Variants in FLRT1 observed in about 807,000 individuals in gnomAD.
FLRT1 encodes leucine-rich repeat transmembrane protein FLRT1.
FLRT1 carries 14 observed loss-of-function variants against 30.9 expected under a neutral mutation model. That is an observed-to-expected ratio of 0.45 (90% CI 0.30 to 0.71). The LOEUF is 0.71. FLRT1 is among the 30% of genes least tolerant of loss of function. FLRT1 has a pLI of 0.08. For missense variants in FLRT1, 737 were observed against 949.2 expected (o/e 0.78, Z 2.94); for synonymous variants, 368 against 430.4 (o/e 0.85, Z 1.80).
intron 1 of FLRT1, among the ~76,000 whole-genome samples, chr11:64,047,091 C>G (rs1159385487): frequency 6.6e-6 from 1 of 152,076 alleles, no homozygotes; most frequent in East Asian, 1.9e-4. Flanking sequence ...CGTGCTGTTC[C>G]CTGTGTCTGG....
intron 2 of FLRT1, among the ~76,000 whole-genome samples, chr11:64,111,848 T>G (rs1239125599): frequency 6.6e-6 from 1 of 152,188 alleles, no homozygotes; most frequent in Non-Finnish European, 1.5e-5. Context: ...CAGAGCAGCC[T>G]GGGATGGCCC....
chr11:64,074,819 G>A (rs1387225383), intron 1 of FLRT1, among the ~76,000 whole-genome samples: 4 of 152,224 alleles, frequency 2.6e-5, no homozygotes, highest in Admixed American at 1.3e-4. Context: ...TGGGGCTTGG[G>A]GTGGGGAAGC....
chr11:64,117,531 C>A lies in FLRT1; in HGVS notation c.1264C>A (p.Pro422Thr). ...LKAKRPGLRL[P>T]DSNIDYPMAT... ...GGCCAAAAGGCCAGGGCTGCGCCTC[C>A]CCGACTCCAACATTGACTACCCCAT... Residue 422 changes from proline (P) to threonine (T), a missense_variant, in exon 3 of 3, where the codon CCC becomes ACC. By Grantham distance (38) the Pro-to-Thr change is conservative. Transcript: ENST00000682287. 1 of 1,603,364 alleles carries A rather than the reference C, an allele frequency of 6.2e-7. No individual in the cohort carries two copies. Among genetic ancestry groups the A allele is most frequent in the Middle Eastern group, 1.7e-4 (1 of 6,002 alleles).
chr11:64,043,257 G>A (rs971756231), intron 1 of FLRT1, among the ~76,000 whole-genome samples: 2 of 152,194 alleles, frequency 1.3e-5, no homozygotes, highest in African/African-American at 4.8e-5. Context: ...CCAGACACGT[G>A]CTGGGATAAT....
chr11:64,063,323 T>C (rs1943938212), intron 1 of FLRT1, among the ~76,000 whole-genome samples: 1 of 152,088 alleles, frequency 6.6e-6, no homozygotes, highest in Non-Finnish European at 1.5e-5. Context: ...GTAAAACACC[T>C]AGAGGATTGC....
At chr11:64,113,197 C>T (rs1190241352) in intron 2 of FLRT1, among the ~76,000 whole-genome samples, 1 of 152,224 alleles carries the variant, frequency 6.6e-6, no homozygotes, top group African/African-American at 2.4e-5. Flanking sequence ...GGGCACTGAC[C>T]TCATGTTTGT....
chr11:64,084,838 G>C (rs76542726), intron 1 of FLRT1, among the ~76,000 whole-genome samples: 1 of 152,184 alleles, frequency 6.6e-6, no homozygotes, highest in Non-Finnish European at 1.5e-5. Flanking sequence ...GTAATGCCCC[G>C]GCCCGGGAGG....
intron 2 of FLRT1, 85 bp downstream of exon 2, chr11:64,104,266 G>A (rs1944720088): frequency 6.6e-6 from 1 of 152,396 alleles, no homozygotes; most frequent in Non-Finnish European, 1.5e-5. Flanking sequence ...CAGACAGCTG[G>A]GTTGCACCCT....
chr11:64,109,322 T>A (rs926436058), intron 2 of FLRT1, among the ~76,000 whole-genome samples: 7 of 152,102 alleles, frequency 4.6e-5, no homozygotes, highest in Non-Finnish European at 7.4e-5. Flanking sequence ...AAGCTTGGTG[T>A]CACTGACTTA....
chr11:64,070,612 A>C (rs775081529), intron 1 of FLRT1, among the ~76,000 whole-genome samples: 10 of 152,202 alleles, frequency 6.6e-5, no homozygotes, highest in Non-Finnish European at 1.3e-4. Context: ...CCCTTCCCAG[A>C]GGAGGAGAAA....
chr11:64,083,812 T>C (rs1590883831), intron 1 of FLRT1, among the ~76,000 whole-genome samples: 1 of 151,956 alleles, frequency 6.6e-6, no homozygotes, highest in Non-Finnish European at 1.5e-5. Context: ...TCAGCAGGGG[T>C]TGGCATCAAC....
chr11:64,077,929 C>T (rs1379526745), intron 1 of FLRT1, among the ~76,000 whole-genome samples: 2 of 152,350 alleles, frequency 1.3e-5, no homozygotes, highest in East Asian at 1.9e-4. Flanking sequence ...CTGTGGCCTG[C>T]AGCCAGCTAA....
chr11:64,105,128 T>C (rs1346114605), intron 2 of FLRT1, among the ~76,000 whole-genome samples: 1 of 152,244 alleles, frequency 6.6e-6, no homozygotes, highest in African/African-American at 2.4e-5. Flanking sequence ...GTGTGAAAGA[T>C]GCCCTGCGGA....
At chr11:64,042,602 G>T (rs1042211272) in intron 1 of FLRT1, among the ~76,000 whole-genome samples, 26 of 152,242 alleles carry the variant, frequency 1.7e-4, no homozygotes, top group Admixed American at 1.4e-3. Flanking sequence ...GGCCAGGCCT[G>T]TGGGGGTCTT....
At chr11:64,049,920 CG>C (rs1043586499) in intron 1 of FLRT1, among the ~76,000 whole-genome samples, 3 of 152,138 alleles carry the variant, frequency 2.0e-5, no homozygotes, top group East Asian at 1.9e-4. Context: ...GCTGTGGCCC[CG>C]GGGGGGAGGC....
At chr11:64,047,749 T>C (rs1481077332) in intron 1 of FLRT1, among the ~76,000 whole-genome samples, 1 of 151,622 alleles carries the variant, frequency 6.6e-6, no homozygotes, top group Non-Finnish European at 1.5e-5. Context: ...ATACAAAAAT[T>C]AGCTGGGCAT....
In FLRT1 at chr11:64,117,899, C is replaced by T. The variant is rs142685980; in HGVS notation, c.1632C>T (p.Asn544=). 6.8e-5 allele frequency: 109 copies of T among 1,613,898 alleles called. No homozygotes were observed. Among genetic ancestry groups the T allele is most frequent in the Middle Eastern group, 3.3e-4 (2 of 6,062 alleles). The change falls in exon 3 of 3, where the codon AAC becomes AAT. Residue 544 remains asparagine, a synonymous_variant. Coordinates refer to ENST00000682287, the MANE Select transcript of FLRT1 (RefSeq NM_013280.5). ...CCACCACACTCAACCAGGAGCAGAA[C>T]GCTGGCCCCATGGCGAGCCTGCCCC... is the stretch of plus-strand genomic sequence containing the variant. The part of the protein sequence containing the change: ...GPTTTLNQEQ[N]AGPMASLPLA...
intron 1 of FLRT1, among the ~76,000 whole-genome samples, chr11:64,059,739 G>T (rs1379634022): frequency 6.6e-6 from 1 of 152,234 alleles, no homozygotes; most frequent in Non-Finnish European, 1.5e-5. Flanking sequence ...TGAGGCAAAC[G>T]CAGGCCTTCC....
At chr11:64,085,891 G>A (rs888905124) in intron 1 of FLRT1, among the ~76,000 whole-genome samples, 1 of 152,248 alleles carries the variant, frequency 6.6e-6, no homozygotes, top group East Asian at 1.9e-4. Context: ...AGGAAAGGGG[G>A]CCCTTCTCAG....
Sources: allele counts gnomAD v4.1 joint callset (sites outside exome capture counted in the v4.1 genomes callset), GRCh38; gene constraint gnomAD v4.1.1; transcripts MANE v1.5; gene names NCBI Gene and HGNC (gene_info 2026-07-23, HGNC 2026-07-21).